Variants in PPARGC1B observed in about 807,000 individuals in gnomAD.
PPARGC1B encodes the protein PPARG coactivator 1 beta.
A neutral mutation model predicts 101.6 loss-of-function variants in PPARGC1B; 34 were observed. The ratio of observed to expected loss-of-function variants is 0.33; its 90% CI spans 0.25 to 0.45. PPARGC1B has a LOEUF of 0.45. PPARGC1B is among the 20% of genes least tolerant of loss of function. The probability of loss-of-function intolerance (pLI) is 1.00; values close to 1 mark genes in which losing one functional copy is unlikely to be tolerated. For missense variants in PPARGC1B, 1,234 were observed against 1,317.6 expected (o/e 0.94, Z 0.98); for synonymous variants, 548 against 539.3 (o/e 1.02, Z -0.22).
intron 1 of PPARGC1B, among the ~76,000 whole-genome samples, chr5:149,783,737 C>T (rs763854449): frequency 2.6e-5 from 4 of 152,132 alleles, no homozygotes; most frequent in Non-Finnish European, 5.9e-5. Flanking sequence ...AGATGAGTGT[C>T]GCTAAGGCCC....
At chr5:149,812,731 G>T (rs1757911524) in intron 1 of PPARGC1B, among the ~76,000 whole-genome samples, 1 of 152,228 alleles carries the variant, frequency 6.6e-6, no homozygotes, top group Non-Finnish European at 1.5e-5. Context: ...AGCCAGCGCA[G>T]CCCCCTTGTC....
chr5:149,771,968 C>G (rs2113189826), intron 1 of PPARGC1B: 1 of 1,348,596 alleles, frequency 7.4e-7, no homozygotes, highest in East Asian at 2.7e-5. Context: ...TCAAGCAACT[C>G]TGAATTAGTT....
At chr5:149,828,081 CCAGTAGTCA>C in intron 3 of PPARGC1B, among the ~76,000 whole-genome samples, 1 of 152,292 alleles carries the variant, frequency 6.6e-6, no homozygotes, top group East Asian at 1.9e-4. Flanking sequence ...GAGGGTATCT[CCAGTAGTCA>C]CACAGCAAGT....
At chr5:149,758,831 G>T (rs924289735) in intron 1 of PPARGC1B, among the ~76,000 whole-genome samples, 2 of 152,144 alleles carry the variant, frequency 1.3e-5, no homozygotes, top group Non-Finnish European at 2.9e-5. Flanking sequence ...TTTGCTTCTA[G>T]TTGTAAAGAA....
chr5:149,743,754 A>G (rs1203770598), intron 1 of PPARGC1B, among the ~76,000 whole-genome samples: 1 of 152,164 alleles, frequency 6.6e-6, no homozygotes, highest in Non-Finnish European at 1.5e-5. Flanking sequence ...TGTCACCAAG[A>G]TAAGTCTTGC....
chr5:149,738,196 T>C (rs1426114811), intron 1 of PPARGC1B, among the ~76,000 whole-genome samples: 1 of 152,146 alleles, frequency 6.6e-6, no homozygotes, highest in Non-Finnish European at 1.5e-5. Flanking sequence ...CACCTTGTTT[T>C]TCACCATAAT....
chr5:149,739,422 C>T (rs937100057), intron 1 of PPARGC1B, among the ~76,000 whole-genome samples: 1 of 152,168 alleles, frequency 6.6e-6, no homozygotes, highest in Non-Finnish European at 1.5e-5. Context: ...AGCTAGTGAG[C>T]GGCTTACCTG....
Position 149,847,730 on chromosome 5 carries a change from A to G in PPARGC1B, c.*172A>G. The G allele has an allele frequency of 1.7e-6, 1 of 594,174 alleles. No homozygotes were observed. Among genetic ancestry groups the G allele is most frequent in the Non-Finnish European group, 3.0e-6 (1 of 334,676 alleles). The allele number at this position is 594,174 out of a possible 1,614,324, so 36.8% of individuals were successfully genotyped here. ...AAAAAAAAAAAAAATCAATGTTTAC[A>G]TTGAACAAAGCTGCTTCTGTCTGTG... On this transcript the variant is annotated 3_prime_UTR_variant, in exon 12 of 12. Coordinates refer to ENST00000309241, the MANE Select transcript of PPARGC1B (RefSeq NM_133263.4).
Position 149,845,864 on chromosome 5 carries a change from T to C in PPARGC1B, c.2921T>C (p.Leu974Pro). ...AAGCGCAACGAGCCCTCCTTCCAGC[T>C]GAGCTACGGAGGGCTCCGGCACTTC... is the stretch of plus-strand genomic sequence containing the variant. ...LRKRNEPSFQLSYGGLRHFCW... is the reference protein window; with the variant it reads ...LRKRNEPSFQPSYGGLRHFCW... Residue 974 changes from leucine (L) to proline (P), a missense_variant, in exon 11 of 12, where the codon CTG becomes CCG. By Grantham distance (98) the Leu-to-Pro change is moderately conservative. This residue lies in a region of PPARGC1B where 497 missense variants were observed against 529.5 expected (regional missense o/e 0.94). Coordinates refer to ENST00000309241, the MANE Select transcript of PPARGC1B (RefSeq NM_133263.4). 1 of 1,614,236 alleles carries C rather than the reference T, an allele frequency of 6.2e-7. No homozygotes were observed. The highest frequency in any genetic ancestry group is 8.5e-7 in the Non-Finnish European group (1 of 1,180,046).
At chr5:149,798,953 G>A (rs996578161) in intron 1 of PPARGC1B, among the ~76,000 whole-genome samples, 2 of 152,078 alleles carry the variant, frequency 1.3e-5, no homozygotes, top group African/African-American at 2.4e-5. Flanking sequence ...CCCAAGCAGG[G>A]GCTGGGTGCT....
intron 1 of PPARGC1B, among the ~76,000 whole-genome samples, chr5:149,731,205 G>C (rs948066347): frequency 2.0e-5 from 3 of 152,202 alleles, no homozygotes; most frequent in Non-Finnish European, 4.4e-5. Context: ...CTGGCGACAC[G>C]CGCGTGACAG....
rs141602405 is a variant in PPARGC1B at position 149,798,209 on chromosome 5, C to T, written c.79-22224C>T. 1.8e-3 allele frequency among the ~76,000 whole-genome samples: 277 copies of T among 152,358 alleles called. 1 individual carries two copies. Among genetic ancestry groups the T allele is most frequent in the African/African-American group, 6.6e-3 (273 of 41,584 alleles). On this transcript the variant is annotated intron_variant, in intron 1 of 11. Transcript: ENST00000309241. The stretch of plus-strand genomic sequence containing the variant: ...CAGCGTTCAGAACAGTCCACCATTG[C>T]CTCCAAAGTAGCCCCATCAGCTAAA...
At position 149,772,690 on chromosome 5, in the gene PPARGC1B, A is replaced by T. The variant is rs551392144; in HGVS notation, c.78+42270A>T. ...AAATTAGGGCCTATTGTCGTGACCT[A>T]ATTTTAACTTAGTTACCTCTTTAAA... is the stretch of plus-strand genomic sequence containing the variant. On this transcript the variant is annotated intron_variant, in intron 1 of 11. Coordinates refer to ENST00000309241, the MANE Select transcript of PPARGC1B (RefSeq NM_133263.4). Among the ~76,000 whole-genome samples, 77 of 152,298 alleles carry T rather than the reference A, an allele frequency of 5.1e-4. 1 individual carries two copies. The highest frequency in any genetic ancestry group is 1.7e-3 in the East Asian group (9 of 5,184).
At chr5:149,796,343 T>C in intron 1 of PPARGC1B, among the ~76,000 whole-genome samples, 1 of 152,050 alleles carries the variant, frequency 6.6e-6, no homozygotes, top group East Asian at 1.9e-4. Context: ...ATGTAAAGGA[T>C]GTCAGGATGG....
At chr5:149,743,445 G>C (rs1403543248) in intron 1 of PPARGC1B, among the ~76,000 whole-genome samples, 2 of 152,050 alleles carry the variant, frequency 1.3e-5, no homozygotes, top group Admixed American at 6.6e-5. Flanking sequence ...GTGAGCCACC[G>C]TGCCCGGCCC....
chr5:149,830,972 C>A, intron 4 of PPARGC1B, 89 bp downstream of exon 4: 1 of 866,192 alleles, frequency 1.2e-6, no homozygotes, highest in Non-Finnish European at 2.0e-6. Context: ...GTTCAGTCAA[C>A]CTCCAATATC....
rs1319578271 is a variant in PPARGC1B at position 149,807,079 on chromosome 5, ACT to A, written c.79-13352_79-13351del. 6.8e-5 allele frequency among the ~76,000 whole-genome samples: 10 copies of A among 146,294 alleles called. No individual in the cohort carries two copies. The East Asian group carries it at 2.0e-3, about 29-fold the overall frequency. Reference sequence around the variant, plus strand: ...GGATCAGGTGATCCTTCCACCTCAGACTCCAGAGTAGTTGGGACAATAGGCAT... The same window carrying A: ...GGATCAGGTGATCCTTCCACCTCAGACCAGAGTAGTTGGGACAATAGGCAT... On this transcript the variant is annotated intron_variant, in intron 1 of 11. Coordinates refer to ENST00000309241, the MANE Select transcript of PPARGC1B (RefSeq NM_133263.4).
At chr5:149,836,115 C>T in intron 7 of PPARGC1B, 148 bp from the exon 8 acceptor site, 1 of 674,606 alleles carries the variant, frequency 1.5e-6, no homozygotes, top group East Asian at 2.5e-5. Flanking sequence ...TCTCGAGCTC[C>T]TGGCCTCAAG....
At chr5:149,752,392 C>T (rs1755345344) in intron 1 of PPARGC1B, among the ~76,000 whole-genome samples, 1 of 152,204 alleles carries the variant, frequency 6.6e-6, no homozygotes, top group Admixed American at 6.5e-5. Context: ...GGGGCTCACG[C>T]AGAGCAAGCC....
Sources: gnomAD v4.1 joint callset for allele counts (sites outside exome capture counted in the v4.1 genomes callset) on GRCh38, gnomAD v4.1.1 for gene constraint, gnomAD v4.1.1 regional missense constraint, MANE v1.5 for transcripts, NCBI Gene and HGNC (gene_info 2026-07-23, HGNC 2026-07-21) for gene names.